RASGEF1A: variants seen among roughly 807,000 people sequenced by gnomAD.
The protein encoded by RASGEF1A is RasGEF domain family member 1A, also known as ras-GEF domain-containing family member 1A.
Under a neutral mutation model 56.4 loss-of-function variants are expected in RASGEF1A, and 18 were observed. The observed-to-expected ratio is 0.32, with a 90% confidence interval of 0.22 to 0.47. The LOEUF is 0.47. RASGEF1A is among the 20% of genes least tolerant of loss of function. The pLI is 1.00. For missense variants in RASGEF1A, 422 were observed against 627.1 expected, an observed-to-expected ratio of 0.67 and a Z score of 3.49; for synonymous variants, 245 against 242.6, an observed-to-expected ratio of 1.01 and a Z score of -0.09.
At chr10:43,203,744 G>A in intron 2 of RASGEF1A, 1 of 1,085,712 alleles carries the variant, frequency 9.2e-7, no homozygotes. Context: ...CGTTGGTAGG[G>A]CTCCATGGTG....
Position 43,199,781 on chromosome 10 carries a change from C to G in RASGEF1A, c.757-13G>C, listed in dbSNP as rs1253228781. On this transcript the variant is annotated splice_polypyrimidine_tract_variant and intron_variant, in intron 6 of 12. Coordinates refer to ENST00000395810, the MANE Select transcript of RASGEF1A (RefSeq NM_145313.4). ...GGTCCCCTCGGCACTGGAAAGGACA[C>G]AGCAGGTCATAGGGGGCCTGGAGGA... The G allele has an allele frequency of 6.2e-7, 1 of 1,610,156 alleles. No homozygotes were observed. The highest frequency in any genetic ancestry group is 8.5e-7 in the Non-Finnish European group (1 of 1,177,244).
intron 1 of RASGEF1A, among the ~76,000 whole-genome samples, chr10:43,232,496 T>TC (rs1000929837): frequency 6.6e-6 from 1 of 150,670 alleles, no homozygotes; most frequent in African/African-American, 2.4e-5. Flanking sequence ...TTTTTTTTTT[T>TC]TTTTTTTGGA....
intron 2 of RASGEF1A, 103 bp downstream of exon 2, chr10:43,205,816 T>G: frequency 3.1e-6 from 3 of 963,842 alleles, no homozygotes; most frequent in Non-Finnish European, 4.8e-6. Flanking sequence ...CCTGCAGCCC[T>G]GTCCAGCTCT....
chr10:43,263,963 G>A (rs754688792), intron 1 of RASGEF1A, among the ~76,000 whole-genome samples: 48 of 152,084 alleles, frequency 3.2e-4, no homozygotes, highest in Admixed American at 4.6e-4. Context: ...ACTCCTGGCC[G>A]GTCACCCCTC....
At chr10:43,233,315 CGTGTGTGTGTGT>C (rs376496591) in intron 1 of RASGEF1A, among the ~76,000 whole-genome samples, 1 of 150,752 alleles carries the variant, frequency 6.6e-6, no homozygotes. Context: ...TGTGTGTGTG[CGTGTGTGTGTGT>C]GTGTAGACAG....
Position 43,207,445 on chromosome 10 carries a change from G to C in RASGEF1A, c.-6-1323C>G, listed in dbSNP as rs1003791661. Reference sequence around the variant, plus strand: ...ACACACACACACACACACACACACAGCACGTCCCTGTCCCTCCCACCAGGG... The same window carrying C: ...ACACACACACACACACACACACACACCACGTCCCTGTCCCTCCCACCAGGG... On this transcript the variant is annotated intron_variant, in intron 1 of 12. Transcript: ENST00000395810. 3.3e-4 allele frequency: 245 copies of C among 751,154 alleles called. 1 individual carries two copies. Among genetic ancestry groups the C allele is most frequent in the Non-Finnish European group, 8.7e-5 (55 of 633,402 alleles). 46.5% of individuals were successfully genotyped at this position (751,154 alleles called of 1,614,324 possible).
At chr10:43,256,141 C>T (rs1840686832) in intron 1 of RASGEF1A, among the ~76,000 whole-genome samples, 1 of 152,174 alleles carries the variant, frequency 6.6e-6, no homozygotes, top group Admixed American at 6.5e-5. Context: ...GGAGCCCATG[C>T]TAATGACTGT....
intron 1 of RASGEF1A, among the ~76,000 whole-genome samples, chr10:43,245,542 C>G (rs1313013426): frequency 6.6e-6 from 1 of 152,144 alleles, no homozygotes; most frequent in Non-Finnish European, 1.5e-5. Flanking sequence ...AAAATATTAG[C>G]AAATCAGATC....
intron 1 of RASGEF1A, chr10:43,208,587 G>A: frequency 1.0e-6 from 1 of 985,680 alleles, no homozygotes; most frequent in Middle Eastern, 5.2e-4. Flanking sequence ...AGCAGAGCCT[G>A]AGGGGGACCG....
chr10:43,260,078 A>T (rs1157131439), intron 1 of RASGEF1A, among the ~76,000 whole-genome samples: 1 of 152,170 alleles, frequency 6.6e-6, no homozygotes, highest in African/African-American at 2.4e-5. Flanking sequence ...CAGTGTAATG[A>T]TGCTGGCATC....
intron 1 of RASGEF1A, among the ~76,000 whole-genome samples, chr10:43,236,095 A>G (rs1415203984): frequency 6.6e-6 from 1 of 152,236 alleles, no homozygotes; most frequent in Non-Finnish European, 1.5e-5. Flanking sequence ...TCATGGTGAC[A>G]AAAAGCTTGC....
At chr10:43,245,156 G>T (rs1471873588) in intron 1 of RASGEF1A, among the ~76,000 whole-genome samples, 1 of 152,074 alleles carries the variant, frequency 6.6e-6, no homozygotes. Context: ...CACTATAAGG[G>T]AATACTATGA....
intron 1 of RASGEF1A, among the ~76,000 whole-genome samples, chr10:43,232,120 T>C (rs1040509204): frequency 6.6e-6 from 1 of 152,262 alleles, no homozygotes; most frequent in Non-Finnish European, 1.5e-5. Context: ...CCCGCTGATA[T>C]GATTTGGGTT....
chr10:43,230,589 C>T (rs1266150174), intron 1 of RASGEF1A, among the ~76,000 whole-genome samples: 1 of 152,084 alleles, frequency 6.6e-6, no homozygotes, highest in African/African-American at 2.4e-5. Flanking sequence ...TCCGAGTTGG[C>T]CGGCGGGGCG....
At chr10:43,260,611 C>A (rs1836511057) in intron 1 of RASGEF1A, among the ~76,000 whole-genome samples, 1 of 152,130 alleles carries the variant, frequency 6.6e-6, no homozygotes, top group Admixed American at 6.5e-5. Context: ...TCTCAGGACC[C>A]CAGCAGGCAG....
chr10:43,199,613 G>A, intron 7 of RASGEF1A, 63 bp downstream of exon 7: 15 of 1,318,878 alleles, frequency 1.1e-5, no homozygotes, highest in Non-Finnish European at 1.5e-5. Flanking sequence ...CCTGGGGCAA[G>A]ATCAGGGTCT....
intron 1 of RASGEF1A, among the ~76,000 whole-genome samples, chr10:43,216,041 C>T (rs1377980806): frequency 1.3e-5 from 2 of 152,184 alleles, no homozygotes; most frequent in South Asian, 2.1e-4. Context: ...TGGGGCACCT[C>T]CTGGCTGCCT....
At chr10:43,225,044 C>A (rs775603018) in intron 1 of RASGEF1A, among the ~76,000 whole-genome samples, 23 of 151,056 alleles carry the variant, frequency 1.5e-4, no homozygotes, top group Non-Finnish European at 3.1e-4. Context: ...GTCTGTGTGT[C>A]TCTGCATATG....
At chr10:43,197,930 C>G (rs1429741519) in intron 10 of RASGEF1A, 74 bp downstream of exon 10, 1 of 1,361,772 alleles carries the variant, frequency 7.3e-7, no homozygotes, top group African/African-American at 1.4e-5. Flanking sequence ...GATCCCGACC[C>G]AGGGCTAATG....
Sources: gnomAD v4.1 joint callset for allele counts (sites outside exome capture counted in the v4.1 genomes callset) on GRCh38, gnomAD v4.1.1 for gene constraint, MANE v1.5 for transcripts, NCBI Gene and HGNC (gene_info 2026-07-23, HGNC 2026-07-21) for gene names.